The following DRC11 variants were observed in gnomAD, a reference collection of about 807,000 sequenced individuals.
DRC11 encodes IQ and AAA domain-containing protein 1.
chr2:236,355,855 C>G, the DRC11 span, among the ~76,000 whole-genome samples: 1 of 151,848 alleles, frequency 6.6e-6, no homozygotes, highest in Non-Finnish European at 1.5e-5. Context: ...AGAAACATAC[C>G]TTTTATGAAC....
chr2:236,490,958 GTA>G, the DRC11 span, among the ~76,000 whole-genome samples: 9 of 145,372 alleles, frequency 6.2e-5, no homozygotes, highest in Non-Finnish European at 1.2e-4. The surrounding 1 kb of genome is among the most constrained non-coding windows in gnomAD (Gnocchi z 5.5). Context: ...ATATATGTGT[GTA>G]TATATGTGTA....
the DRC11 span, chr2:236,363,767 A>G: frequency 3.3e-5 from 52 of 1,587,778 alleles, no homozygotes; most frequent in Non-Finnish European, 3.7e-5. This position sits in a 1 kb window ranked among gnomAD's most constrained non-coding sequence, Gnocchi z 5.6. Context: ...AAACCAAGAA[A>G]TGTAATCCAT....
At chr2:236,462,590 A>C in the DRC11 span, among the ~76,000 whole-genome samples, 2 of 152,026 alleles carry the variant, frequency 1.3e-5, no homozygotes, top group African/African-American at 4.8e-5. The surrounding 1 kb of genome is among the most constrained non-coding windows in gnomAD (Gnocchi z 6.4). Flanking sequence ...AGAATCGCTT[A>C]AACTTGGGCG....
chr2:236,447,623 A>C, the DRC11 span, among the ~76,000 whole-genome samples: 9 of 152,246 alleles, frequency 5.9e-5, no homozygotes, highest in African/African-American at 1.9e-4. The surrounding 1 kb of genome is among the most constrained non-coding windows in gnomAD (Gnocchi z 4.6). Flanking sequence ...CGGTCTTACC[A>C]AATCAGCATC....
chr2:236,406,314 G>T, the DRC11 span, among the ~76,000 whole-genome samples: 2 of 152,190 alleles, frequency 1.3e-5, no homozygotes, highest in African/African-American at 4.8e-5. This position sits in a 1 kb window ranked among gnomAD's most constrained non-coding sequence, Gnocchi z 4.7. Flanking sequence ...CTTAAAGAGC[G>T]ATTCAAATGC....
the DRC11 span, among the ~76,000 whole-genome samples, chr2:236,474,084 G>A: frequency 4.3e-3 from 650 of 152,260 alleles, 7 homozygotes; most frequent in African/African-American, 0.015. Context: ...TAGGGTGATA[G>A]ATTTTGGATT....
chr2:236,392,164 G>C, the DRC11 span: 1 of 1,481,412 alleles, frequency 6.8e-7, no homozygotes, highest in Non-Finnish European at 9.4e-7. The surrounding 1 kb of genome is among the most constrained non-coding windows in gnomAD (Gnocchi z 5.1). Flanking sequence ...TATGGGGTAG[G>C]TCATTAGTAG....
chr2:236,446,647 G>C, the DRC11 span, among the ~76,000 whole-genome samples: 1 of 152,304 alleles, frequency 6.6e-6, no homozygotes, highest in South Asian at 2.1e-4. This position sits in a 1 kb window ranked among gnomAD's most constrained non-coding sequence, Gnocchi z 6.2. Flanking sequence ...GTGGTGCCTG[G>C]GACCCACAGG....
At chr2:236,343,784 A>C in the DRC11 span, 2 of 1,291,882 alleles carry the variant, frequency 1.5e-6, no homozygotes, top group Non-Finnish European at 2.0e-6. This position sits in a 1 kb window ranked among gnomAD's most constrained non-coding sequence, Gnocchi z 6.6. Flanking sequence ...CCCAGATTAA[A>C]TAATAAATGA....
chr2:236,456,645 T>C, the DRC11 span, among the ~76,000 whole-genome samples: 1 of 152,058 alleles, frequency 6.6e-6, no homozygotes, highest in Admixed American at 6.5e-5. This position sits in a 1 kb window ranked among gnomAD's most constrained non-coding sequence, Gnocchi z 5.4. Flanking sequence ...CTTACGTGAG[T>C]TAAAAGGAGT....
the DRC11 span, among the ~76,000 whole-genome samples, chr2:236,417,006 T>C: frequency 6.6e-6 from 1 of 151,586 alleles, no homozygotes; most frequent in Admixed American, 6.6e-5. Flanking sequence ...GTGATCTGCC[T>C]GCCTTGGCCT....
chr2:236,353,982 G>A, the DRC11 span, among the ~76,000 whole-genome samples: 5 of 151,968 alleles, frequency 3.3e-5, no homozygotes, highest in East Asian at 5.8e-4. This position sits in a 1 kb window ranked among gnomAD's most constrained non-coding sequence, Gnocchi z 5.0. Flanking sequence ...ATGTACTTGC[G>A]GAGGTTACTT....
At chr2:236,440,294 G>T in the DRC11 span, among the ~76,000 whole-genome samples, 5 of 152,198 alleles carry the variant, frequency 3.3e-5, no homozygotes, top group African/African-American at 1.2e-4. Flanking sequence ...GGCTTTAGAG[G>T]AAGGGTTAGT....
At chr2:236,417,298 C>G in the DRC11 span, among the ~76,000 whole-genome samples, 1 of 152,176 alleles carries the variant, frequency 6.6e-6, no homozygotes, top group Non-Finnish European at 1.5e-5. Context: ...CTTGACTGCA[C>G]AGGCTATCCC....
the DRC11 span, chr2:236,331,643 A>G: frequency 1.4e-6 from 2 of 1,406,908 alleles, no homozygotes; most frequent in Non-Finnish European, 2.0e-6. This position sits in a 1 kb window ranked among gnomAD's most constrained non-coding sequence, Gnocchi z 4.8. Flanking sequence ...TACCACAGAG[A>G]AATCAGTGCC....
chr2:236,450,314 C>CTTTTTTTTTTTT, the DRC11 span, among the ~76,000 whole-genome samples: 10 of 82,376 alleles, frequency 1.2e-4, no homozygotes, highest in Non-Finnish European at 1.2e-4. Context: ...CTTTTCTTTT[C>CTTTTTTTTTTTT]TTTTTTTTTT....
chr2:236,470,040 A>AT, the DRC11 span, among the ~76,000 whole-genome samples: 3 of 152,186 alleles, frequency 2.0e-5, no homozygotes, highest in Admixed American at 6.5e-5. This position sits in a 1 kb window ranked among gnomAD's most constrained non-coding sequence, Gnocchi z 5.1. Context: ...CATATTAATA[A>AT]TTGATGTTGC....
At chr2:236,320,856 C>A in the DRC11 span, among the ~76,000 whole-genome samples, 1 of 150,362 alleles carries the variant, frequency 6.7e-6, no homozygotes, top group Non-Finnish European at 1.5e-5. Context: ...CCCGCCATCG[C>A]CTTCCTCCCA....
chr2:236,429,297 T>A, the DRC11 span, among the ~76,000 whole-genome samples: 1 of 152,188 alleles, frequency 6.6e-6, no homozygotes, highest in South Asian at 2.1e-4. This position sits in a 1 kb window ranked among gnomAD's most constrained non-coding sequence, Gnocchi z 5.9. Flanking sequence ...CATGTGGCAC[T>A]GGGGGCCAGC....
Sources: gnomAD v4.1 joint callset for allele counts (sites outside exome capture counted in the v4.1 genomes callset) on GRCh38, gnomAD v4.1.1 for gene constraint, Gnocchi (gnomAD v3.1) non-coding constraint, MANE v1.5 for transcripts, NCBI Gene and HGNC (gene_info 2026-07-23, HGNC 2026-07-21) for gene names.